The following TM7SF3 variants were observed in gnomAD, a reference collection of about 807,000 sequenced individuals.
TM7SF3 encodes seven span transmembrane protein.
TM7SF3 carries 60 observed loss-of-function variants against 65.5 expected under a neutral mutation model. That is an observed-to-expected ratio of 0.92 (90% CI 0.74 to 1.14). TM7SF3 has a LOEUF of 1.14. TM7SF3 is among the 50% of genes most tolerant of loss of function. The probability of loss-of-function intolerance (pLI) is 0.00; values close to 1 mark genes in which losing one functional copy is unlikely to be tolerated. For synonymous variants in TM7SF3, 264 were observed against 259.6 expected (o/e 1.02, Z -0.16); for missense variants, 623 against 684.8 (o/e 0.91, Z 1.01).
chr12:26,980,287 A>G, intron 8 of TM7SF3: 1 of 526,952 alleles, frequency 1.9e-6, no homozygotes, highest in South Asian at 2.5e-5. Context: ...CTTGTTGTAC[A>G]TCTCATATCT....
chr12:26,990,289 T>C lies in TM7SF3; in HGVS notation c.868+161A>G, dbSNP rs535578619. 2.6e-5 allele frequency among the ~76,000 whole-genome samples: 4 copies of C among 152,358 alleles called. No homozygotes were observed. The South Asian group carries it at 8.3e-4, about 32-fold the overall frequency. ...ACTATAATATAAGCTCCAGAACAAG[T>C]ATTTTTGCTGTTTTGTTTACTGCTA... On this transcript the variant is annotated intron_variant, in intron 6 of 11. Coordinates refer to ENST00000343028, the MANE Select transcript of TM7SF3 (RefSeq NM_016551.3).
At chr12:27,012,202 A>T (rs1423925539) in intron 1 of TM7SF3, among the ~76,000 whole-genome samples, 2 of 152,184 alleles carry the variant, frequency 1.3e-5, no homozygotes, top group Non-Finnish European at 2.9e-5. Flanking sequence ...ACCTGGGTTC[A>T]AGTCCTATCT....
At chr12:26,999,838 A>G in intron 2 of TM7SF3, 162 bp from the exon 3 acceptor site, 2 of 632,290 alleles carry the variant, frequency 3.2e-6, no homozygotes, top group East Asian at 2.8e-5. Context: ...CTATGTTCAC[A>G]TGCCCACACA....
In TM7SF3 at chr12:27,011,666, C is replaced by G. The variant is rs1941248760; in HGVS notation, c.91+2412G>C. Among the ~76,000 whole-genome samples, 3 of 152,196 alleles carry G rather than the reference C, an allele frequency of 2.0e-5. No individual in the cohort carries two copies. In the South Asian group the frequency reaches 6.2e-4, roughly 32 times the overall value. The stretch of plus-strand genomic sequence containing the variant: ...CTAGGAGGATTATGCAAGTCCTGAA[C>G]TATGTCCTTCTACCTTTCTATACTG... On this transcript the variant is annotated intron_variant, in intron 1 of 11. Coordinates refer to ENST00000343028, the MANE Select transcript of TM7SF3 (RefSeq NM_016551.3).
intron 3 of TM7SF3, 63 bp downstream of exon 3, chr12:26,999,463 A>T: frequency 6.5e-7 from 1 of 1,535,106 alleles, no homozygotes; most frequent in Non-Finnish European, 8.9e-7. Flanking sequence ...AATTTTCCTT[A>T]AAGTTTCATG....
chr12:26,977,396 A>G (rs7958571), intron 9 of TM7SF3, among the ~76,000 whole-genome samples: 35,939 of 152,262 alleles, frequency 0.24, 4,553 homozygotes, highest in East Asian at 0.42. Flanking sequence ...GGTGAAAACT[A>G]GCAATCTAAT....
At chr12:26,983,141 A>C (rs1236057795) in intron 6 of TM7SF3, among the ~76,000 whole-genome samples, 1 of 151,082 alleles carries the variant, frequency 6.6e-6, no homozygotes, top group East Asian at 2.0e-4. Flanking sequence ...TCCTGGGTAA[A>C]GTGGAGAGAA....
At chr12:27,004,037 T>C (rs2136444333) in intron 1 of TM7SF3, among the ~76,000 whole-genome samples, 1 of 152,338 alleles carries the variant, frequency 6.6e-6, no homozygotes, top group Admixed American at 6.5e-5. Flanking sequence ...TTTTGTTTGC[T>C]TAAGGATCAA....
chr12:26,982,134 A>C, intron 7 of TM7SF3, among the ~76,000 whole-genome samples: 1 of 152,062 alleles, frequency 6.6e-6, no homozygotes, highest in South Asian at 2.1e-4. Flanking sequence ...CCCGGGCTCA[A>C]GCAATCCTCC....
At position 26,997,468 on chromosome 12, in the gene TM7SF3, T is replaced by A. The variant is rs563972561; in HGVS notation, c.398-606A>T. On this transcript the variant is annotated intron_variant, in intron 3 of 11. Coordinates refer to ENST00000343028, the MANE Select transcript of TM7SF3 (RefSeq NM_016551.3). ...CACCACAAATGGTATGTATGCCAGC[T>A]GAAGCTCCTCTGTTCATAATTTTTC... 3.9e-5 allele frequency among the ~76,000 whole-genome samples: 6 copies of A among 152,356 alleles called. No homozygotes were observed. The South Asian group carries it at 1.2e-3, about 32-fold the overall frequency.
chr12:26,992,120 A>G (rs904417697), intron 5 of TM7SF3, among the ~76,000 whole-genome samples: 1 of 152,206 alleles, frequency 6.6e-6, no homozygotes, highest in African/African-American at 2.4e-5. Flanking sequence ...GGGTTACATC[A>G]GGATAAACCC....
Position 26,973,743 on chromosome 12 carries a change from A to G in TM7SF3, c.*222T>C, listed in dbSNP as rs4856. On this transcript the variant is annotated 3_prime_UTR_variant, in exon 12 of 12. Coordinates refer to ENST00000343028, the MANE Select transcript of TM7SF3 (RefSeq NM_016551.3). ...AATTTCTCAAGTATTTGGAAATAAG[A>G]AAAAGCCTCCCTACCACCAACCTTT... is the stretch of plus-strand genomic sequence containing the variant. 0.091 allele frequency: 42,756 copies of G among 467,552 alleles called. 2,310 individuals carry two copies. The highest frequency in any genetic ancestry group is 0.15 in the East Asian group (4,390 of 29,282). The allele number at this position is 467,552 out of a possible 1,614,324, so 29.0% of individuals were successfully genotyped here. A position where few individuals can be genotyped will look rare whatever the true frequency, so the allele number is the denominator to read the frequency against.
chr12:26,999,253 G>C (rs924351791), intron 3 of TM7SF3, among the ~76,000 whole-genome samples: 16 of 151,974 alleles, frequency 1.1e-4, no homozygotes, highest in Admixed American at 3.3e-4. Flanking sequence ...AAAATTAGCT[G>C]GGCCTGGTGG....
chr12:26,994,614 T>G (rs1470330577), intron 5 of TM7SF3, among the ~76,000 whole-genome samples: 1 of 152,252 alleles, frequency 6.6e-6, no homozygotes, highest in African/African-American at 2.4e-5. Context: ...CCCAAAGTGC[T>G]GGGATTACAG....
At chr12:27,013,770 G>A (rs1264431788) in intron 1 of TM7SF3, among the ~76,000 whole-genome samples, 1 of 152,204 alleles carries the variant, frequency 6.6e-6, no homozygotes, top group Non-Finnish European at 1.5e-5. Flanking sequence ...AGGCGCTTTA[G>A]TAAGTTGAAT....
rs771036037 is a variant in TM7SF3 at position 27,014,142 on chromosome 12, T to C, written c.27A>G (p.Val9=). The C allele has an allele frequency of 1.3e-6, 2 of 1,566,908 alleles. No homozygotes were observed. The highest frequency in any genetic ancestry group is 3.8e-5 in the Admixed American group (2 of 52,618). The change falls in exon 1 of 12, where the codon GTA becomes GTG. Residue 9 remains valine, a synonymous_variant. Coordinates refer to ENST00000343028, the MANE Select transcript of TM7SF3 (RefSeq NM_016551.3). The stretch of plus-strand genomic sequence containing the variant: ...CCCGGTGTTCGGATGCCAGCACCGC[T>C]ACGACCAGCAGCTGCAGGAACCCCA... MGFLQLLV[V]AVLASEHRVA...
At chr12:26,986,037 C>T (rs1278681819) in intron 6 of TM7SF3, among the ~76,000 whole-genome samples, 2 of 151,062 alleles carry the variant, frequency 1.3e-5, no homozygotes, top group South Asian at 2.1e-4. Flanking sequence ...ACTGTGTTAG[C>T]CAGGATGGTC....
intron 6 of TM7SF3, among the ~76,000 whole-genome samples, chr12:26,986,147 C>T (rs1940091361): frequency 6.6e-6 from 1 of 152,078 alleles, no homozygotes; most frequent in Non-Finnish European, 1.5e-5. Context: ...AAATTTCAGT[C>T]TCCTGAACCC....
At chr12:26,999,209 A>G (rs941876752) in intron 3 of TM7SF3, among the ~76,000 whole-genome samples, 5 of 152,144 alleles carry the variant, frequency 3.3e-5, no homozygotes, top group Non-Finnish European at 5.9e-5. Flanking sequence ...AGCCTGGCCA[A>G]CATGGTGAAA....
Sources: gnomAD v4.1 joint callset for allele counts (sites outside exome capture counted in the v4.1 genomes callset) on GRCh38, gnomAD v4.1.1 for gene constraint, MANE v1.5 for transcripts, NCBI Gene and HGNC (gene_info 2026-07-23, HGNC 2026-07-21) for gene names.